Variants in SAXO4 observed in about 807,000 individuals in gnomAD.
SAXO4 encodes the protein protein phosphatase 1 regulatory subunit 32.
chr11:61,489,952 A>G, the SAXO4 span: 117 of 1,606,668 alleles, frequency 7.3e-5, no homozygotes, highest in Non-Finnish European at 9.6e-5. Flanking sequence ...GGAAGGTGGC[A>G]CCACCCCCAG....
At chr11:61,489,850 T>A in the SAXO4 span, 4 of 1,613,898 alleles carry the variant, frequency 2.5e-6, no homozygotes, top group South Asian at 4.4e-5. Context: ...CAGCCCCAGA[T>A]GCCAGGAGGC....
At chr11:61,490,541 C>G in the SAXO4 span, 24 of 1,614,156 alleles carry the variant, frequency 1.5e-5, no homozygotes, top group East Asian at 4.9e-4. Context: ...GAACACACCT[C>G]ACAGCAGCCG....
the SAXO4 span, chr11:61,482,575 G>A: frequency 1.3e-5 from 21 of 1,604,646 alleles, no homozygotes; most frequent in Non-Finnish European, 1.4e-5. Context: ...CCATCTGTGG[G>A]AGGGTGCAGG....
the SAXO4 span, chr11:61,490,661 G>A: frequency 7.4e-7 from 1 of 1,356,894 alleles, no homozygotes; most frequent in Non-Finnish European, 1.0e-6. Flanking sequence ...TGCCTCTCAA[G>A]CCCTGGGTTA....
At chr11:61,485,726 G>T in the SAXO4 span, 1 of 1,167,346 alleles carries the variant, frequency 8.6e-7, no homozygotes, top group Non-Finnish European at 1.3e-6. Context: ...TGCACCTGCT[G>T]GGACACTGAG....
the SAXO4 span, chr11:61,485,837 A>AG: frequency 6.2e-7 from 1 of 1,613,944 alleles, no homozygotes; most frequent in Admixed American, 1.7e-5. Context: ...AAAGGAGGGG[A>AG]GTGGCTTCAC....
chr11:61,482,439 T>TA, the SAXO4 span: 1 of 1,608,888 alleles, frequency 6.2e-7, no homozygotes. Flanking sequence ...GTACGGTCTG[T>TA]ATGGCCCCTT....
the SAXO4 span, chr11:61,485,418 C>G: frequency 6.2e-7 from 1 of 1,607,986 alleles, no homozygotes; most frequent in Non-Finnish European, 8.5e-7. Context: ...CCTGTCTGAA[C>G]TCACAGCTCC....
At chr11:61,488,331 G>T in the SAXO4 span, among the ~76,000 whole-genome samples, 2 of 136,908 alleles carry the variant, frequency 1.5e-5, no homozygotes. Context: ...TTAAGATGGA[G>T]TCTCTCTCTG....
At chr11:61,490,409 C>T in the SAXO4 span, 2 of 1,182,644 alleles carry the variant, frequency 1.7e-6, no homozygotes, top group East Asian at 2.3e-5. Flanking sequence ...CCTGGCTATG[C>T]TCTCTCAGGG....
the SAXO4 span, among the ~76,000 whole-genome samples, chr11:61,483,164 C>CTT: frequency 9.6e-4 from 114 of 119,352 alleles, no homozygotes; most frequent in African/African-American, 1.2e-3. Flanking sequence ...ATTTCTTTTT[C>CTT]TTTTTTTTTT....
At chr11:61,486,430 G>T in the SAXO4 span, 1 of 1,613,908 alleles carries the variant, frequency 6.2e-7, no homozygotes, top group Admixed American at 1.7e-5. Flanking sequence ...GGAGGCTGGG[G>T]ACCGCCTGGC....
chr11:61,482,739 C>T, the SAXO4 span: 1 of 1,613,952 alleles, frequency 6.2e-7, no homozygotes, highest in Non-Finnish European at 8.5e-7. Context: ...ATCCCCTGCC[C>T]TGGAGCATGC....
the SAXO4 span, chr11:61,490,086 C>A: frequency 8.2e-5 from 69 of 839,818 alleles, no homozygotes; most frequent in South Asian, 1.1e-3. Flanking sequence ...GCTCTGGTGT[C>A]CCTTCTCCTG....
chr11:61,483,164 C>CT, the SAXO4 span, among the ~76,000 whole-genome samples: 3,080 of 119,346 alleles, frequency 0.026, 128 homozygotes, highest in Admixed American at 0.051. Flanking sequence ...ATTTCTTTTT[C>CT]TTTTTTTTTT....
chr11:61,483,052 T>A, the SAXO4 span, among the ~76,000 whole-genome samples: 1 of 147,982 alleles, frequency 6.8e-6, no homozygotes, highest in Non-Finnish European at 1.5e-5. Context: ...CCTGTCCCCA[T>A]TCCCATGAGC....
At chr11:61,484,605 C>T in the SAXO4 span, 31 of 1,546,252 alleles carry the variant, frequency 2.0e-5, no homozygotes, top group Admixed American at 4.2e-4. Context: ...GCAGATACTG[C>T]GCTCTGTAAA....
the SAXO4 span, chr11:61,485,465 C>T: frequency 4.0e-5 from 59 of 1,462,040 alleles, no homozygotes; most frequent in Non-Finnish European, 5.5e-5. Context: ...ACTTGCTACC[C>T]CAGGGGCCCT....
chr11:61,490,572 C>A, the SAXO4 span: 5 of 1,613,726 alleles, frequency 3.1e-6, no homozygotes, highest in Admixed American at 8.3e-5. Flanking sequence ...CACAGCTGAG[C>A]CCTGAGCCCT....
Sources: allele counts gnomAD v4.1 joint callset (sites outside exome capture counted in the v4.1 genomes callset), GRCh38; gene constraint gnomAD v4.1.1; transcripts MANE v1.5; gene names NCBI Gene and HGNC (gene_info 2026-07-23, HGNC 2026-07-21).